Variants in WWOX observed in about 807,000 individuals in gnomAD.
The protein encoded by WWOX is WW domain-containing oxidoreductase.
In WWOX, 69 loss-of-function variants were observed where a neutral mutation model predicts 46.2. That is an observed-to-expected ratio of 1.49 (90% CI 1.23 to 1.82). WWOX has a LOEUF of 1.82. Among genes scored for constraint, WWOX ranks in the 40% most tolerant of loss-of-function variants. The pLI is 0.00. For synonymous variants in WWOX, 359 were observed against 202.6 expected, an observed-to-expected ratio of 1.77 and a Z score of -6.56; for missense variants, 919 against 542.6, an observed-to-expected ratio of 1.69 and a Z score of -6.89.
intron 8 of WWOX, among the ~76,000 whole-genome samples, chr16:78,623,286 CAG>C (rs1273840083): frequency 1.3e-5 from 2 of 152,172 alleles, no homozygotes; most frequent in Non-Finnish European, 2.9e-5. Context: ...GGATAGTAGA[CAG>C]AGACTGCATC....
intron 6 of WWOX, among the ~76,000 whole-genome samples, chr16:78,400,429 C>G (rs1035197686): frequency 6.6e-6 from 1 of 152,122 alleles, no homozygotes; most frequent in Non-Finnish European, 1.5e-5. Context: ...AGCTGGGAAT[C>G]GAACACTGCA....
At chr16:78,623,613 G>T (rs887503305) in intron 8 of WWOX, among the ~76,000 whole-genome samples, 24 of 152,068 alleles carry the variant, frequency 1.6e-4, no homozygotes, top group African/African-American at 5.8e-4. Flanking sequence ...CCGAGAGGCA[G>T]GGGTTGCAGT....
chr16:78,918,080 T>C (rs2045293135), intron 8 of WWOX, among the ~76,000 whole-genome samples: 2 of 151,902 alleles, frequency 1.3e-5, no homozygotes, highest in African/African-American at 4.8e-5. Context: ...TGCATGCTTG[T>C]AGTCCCAGCT....
chr16:78,978,892 C>A (rs2046625052), intron 8 of WWOX, among the ~76,000 whole-genome samples: 1 of 152,120 alleles, frequency 6.6e-6, no homozygotes, highest in African/African-American at 2.4e-5. Context: ...GGCGGGGACA[C>A]AGATCCAAAC....
At chr16:78,658,182 C>T (rs1350405566) in intron 8 of WWOX, among the ~76,000 whole-genome samples, 1 of 152,170 alleles carries the variant, frequency 6.6e-6, no homozygotes, top group African/African-American at 2.4e-5. Context: ...CCAGATACCC[C>T]TGGGGAACAA....
chr16:79,033,077 A>T (rs2047796667), intron 8 of WWOX, among the ~76,000 whole-genome samples: 1 of 150,606 alleles, frequency 6.6e-6, no homozygotes, highest in South Asian at 2.1e-4. Flanking sequence ...AGCTCCATCC[A>T]TGTTCCTGCA....
At chr16:78,724,683 C>G (rs2048781947) in intron 8 of WWOX, among the ~76,000 whole-genome samples, 1 of 152,162 alleles carries the variant, frequency 6.6e-6, no homozygotes, top group African/African-American at 2.4e-5. Flanking sequence ...TCAAAATCAG[C>G]TCGTCACCCT....
chr16:78,838,080 G>A (rs1485523662), intron 8 of WWOX, among the ~76,000 whole-genome samples: 1 of 152,154 alleles, frequency 6.6e-6, no homozygotes, highest in Non-Finnish European at 1.5e-5. Flanking sequence ...TGTGCCTTCT[G>A]CTTTGTCTCT....
At chr16:79,032,798 A>G (rs1216606271) in intron 8 of WWOX, among the ~76,000 whole-genome samples, 1 of 151,494 alleles carries the variant, frequency 6.6e-6, no homozygotes, top group Non-Finnish European at 1.5e-5. Flanking sequence ...TCAGGGGTCC[A>G]TGTGCAGGTT....
At chr16:78,219,540 T>C (rs780609778) in intron 5 of WWOX, among the ~76,000 whole-genome samples, 3 of 152,188 alleles carry the variant, frequency 2.0e-5, no homozygotes, top group Admixed American at 6.5e-5. Flanking sequence ...CCCACAGTGA[T>C]TGAAAAACTC....
chr16:79,163,754 G>C (rs1482136934), intron 8 of WWOX, among the ~76,000 whole-genome samples: 1 of 140,498 alleles, frequency 7.1e-6, no homozygotes, highest in Non-Finnish European at 1.5e-5. Context: ...CTGAGATCGT[G>C]CCATTGCACT....
chr16:78,917,059 C>G (rs992410388), intron 8 of WWOX, among the ~76,000 whole-genome samples: 2 of 152,162 alleles, frequency 1.3e-5, no homozygotes, highest in South Asian at 2.1e-4. Flanking sequence ...TCTTCTAAAC[C>G]ACATCTTTCC....
intron 8 of WWOX, among the ~76,000 whole-genome samples, chr16:78,685,678 A>C (rs1597444026): frequency 6.6e-6 from 1 of 152,360 alleles, no homozygotes; most frequent in East Asian, 1.9e-4. Flanking sequence ...TCTGCTATTG[A>C]ATGCTTAGCA....
intron 8 of WWOX, among the ~76,000 whole-genome samples, chr16:78,915,947 T>G (rs974543426): frequency 1.3e-5 from 2 of 152,192 alleles, no homozygotes; most frequent in South Asian, 4.1e-4. Flanking sequence ...GCTCAATCAA[T>G]GCCCAGAAAT....
chr16:79,139,720 T>C (rs2050051894), intron 8 of WWOX, among the ~76,000 whole-genome samples: 1 of 152,194 alleles, frequency 6.6e-6, no homozygotes, highest in Admixed American at 6.5e-5. Flanking sequence ...GAAAGCTGAC[T>C]TTCACCAGAA....
intron 8 of WWOX, among the ~76,000 whole-genome samples, chr16:79,184,578 C>T (rs1190482954): frequency 2.0e-5 from 3 of 152,222 alleles, no homozygotes; most frequent in Non-Finnish European, 4.4e-5. Context: ...CACTCTGCAA[C>T]TCTCCAAGCT....
At chr16:78,112,623 C>T (rs1314199463) in intron 3 of WWOX, among the ~76,000 whole-genome samples, 1 of 149,894 alleles carries the variant, frequency 6.7e-6, no homozygotes, top group Non-Finnish European at 1.5e-5. Context: ...TTTTTTTCCT[C>T]AACTAATTAA....
chr16:78,629,680 G>T lies in WWOX; in HGVS notation c.1056+196928G>T, dbSNP rs892248998. 7.9e-5 allele frequency among the ~76,000 whole-genome samples: 12 copies of T among 152,264 alleles called. No individual in the cohort carries two copies. The East Asian group carries it at 2.3e-3, about 29-fold the overall frequency. On this transcript the variant is annotated intron_variant, in intron 8 of 8. Transcript: ENST00000566780. Reference sequence around the variant, plus strand: ...GCCTTTGCACAGGCTCTTGTCTCTGGCTAGAGTAGTCTTCCCATCCTGCTT... The same window carrying T: ...GCCTTTGCACAGGCTCTTGTCTCTGTCTAGAGTAGTCTTCCCATCCTGCTT...
chr16:78,190,040 G>A (rs1160814922), intron 5 of WWOX, among the ~76,000 whole-genome samples: 1 of 152,236 alleles, frequency 6.6e-6, no homozygotes, highest in Non-Finnish European at 1.5e-5. Context: ...CAGCACATGT[G>A]TCCACACTTG....
Sources: allele counts gnomAD v4.1 joint callset (sites outside exome capture counted in the v4.1 genomes callset), GRCh38; gene constraint gnomAD v4.1.1; transcripts MANE v1.5; gene names NCBI Gene and HGNC (gene_info 2026-07-23, HGNC 2026-07-21).